DIDO1: variants seen among roughly 807,000 people sequenced by gnomAD.
The protein encoded by DIDO1 is death-inducer obliterator 1.
A neutral mutation model predicts 99.4 loss-of-function variants in DIDO1; 16 were observed. The observed-to-expected ratio is 0.16, with a 90% CI of 0.11 to 0.24. DIDO1 has a LOEUF of 0.24. Ranked by LOEUF, DIDO1 falls within the 10% of genes least tolerant of loss-of-function variation. The probability of loss-of-function intolerance (pLI) is 1.00; values close to 1 mark genes in which losing one functional copy is unlikely to be tolerated. For missense variants in DIDO1, 2,996 were observed against 3,014.0 expected (o/e 0.99, Z 0.14); for synonymous variants, 1,366 against 1,239.1 (o/e 1.10, Z -2.15).
intron 5 of DIDO1, among the ~76,000 whole-genome samples, chr20:62,906,647 C>T (rs6010781): frequency 0.23 from 34,973 of 152,106 alleles, 4,310 homozygotes; most frequent in East Asian, 0.34. Context: ...CAGCCACCGC[C>T]GCCTGAGCCT....
chr20:62,885,744 T>C (rs2064286768), intron 15 of DIDO1, among the ~76,000 whole-genome samples: 1 of 152,248 alleles, frequency 6.6e-6, no homozygotes, highest in African/African-American at 2.4e-5. Flanking sequence ...CAACTCATGT[T>C]TGTTATTATG....
intron 15 of DIDO1, among the ~76,000 whole-genome samples, chr20:62,884,125 G>A (rs751301773): frequency 1.2e-4 from 18 of 152,212 alleles, no homozygotes; most frequent in Non-Finnish European, 2.4e-4. Context: ...GTAAAGCACC[G>A]AGGTGCTCAG....
At position 62,882,502 on chromosome 20, in the gene DIDO1, G is replaced by A. The variant is rs1366021215; in HGVS notation, c.3542-88C>T. On this transcript the variant is annotated intron_variant, in intron 15 of 15. Transcript: ENST00000395343. ...GAATTTCATTAAGGGCTTTCACGGG[G>A]AACGTTTAATAGACAAAAATAAGCC... 4.6e-6 allele frequency: 6 copies of A among 1,293,072 alleles called. No homozygotes were observed. In the East Asian group the frequency reaches 1.4e-4, roughly 30 times the overall value. The allele number at this position is 1,293,072 out of a possible 1,614,324, so 80.1% of individuals were successfully genotyped here.
intron 15 of DIDO1, 149 bp from the exon 16 acceptor site, chr20:62,882,563 T>C (rs1473274025): frequency 5.1e-6 from 4 of 781,542 alleles, no homozygotes; most frequent in East Asian, 5.6e-5. Context: ...GTCAAGACAG[T>C]TGCAAAAGCC....
chr20:62,904,020 T>C (rs1023551821), intron 6 of DIDO1, among the ~76,000 whole-genome samples: 6 of 152,224 alleles, frequency 3.9e-5, no homozygotes, highest in Non-Finnish European at 7.3e-5. Flanking sequence ...CTCCCCACAA[T>C]GTACACGGAC....
At chr20:62,926,248 CCGCCCGCT>C (rs1323851649) in intron 1 of DIDO1, among the ~76,000 whole-genome samples, 183 bp downstream of exon 1, 4 of 96,788 alleles carry the variant, frequency 4.1e-5, no homozygotes, top group East Asian at 3.1e-4. Flanking sequence ...CTGACCGGCC[CCGCCCGCT>C]CGCCCGCCCG....
In DIDO1 at chr20:62,882,289, C is replaced by G. The variant is rs775106836; in HGVS notation, c.3667G>C (p.Ala1223Pro). 1 of 1,614,028 alleles carries G rather than the reference C, an allele frequency of 6.2e-7. No individual in the cohort carries two copies. The highest frequency in any genetic ancestry group is 1.7e-5 in the Admixed American group (1 of 60,032). Reference sequence around the variant, plus strand: ...ACTTTTGGATAGGCCGGAACGTCCGCTTCTTCCGGTTGAAGTCGGGTCCGC... The same window carrying G: ...ACTTTTGGATAGGCCGGAACGTCCGGTTCTTCCGGTTGAAGTCGGGTCCGC... ...EKRTRLQPEE[A>P]DVPAYPKVAT... The change falls in exon 16 of 16, where the codon GCG (alanine) becomes CCG (proline). Residue 1223 changes from alanine to proline, a missense_variant. Physicochemically the swap from Ala to Pro is conservative, Grantham distance 27. Coordinates refer to ENST00000395343, the MANE Select transcript of DIDO1 (RefSeq NM_001193369.2).
chr20:62,897,024 A>G (rs759841224), intron 6 of DIDO1, 28 bp from the exon 7 acceptor site: 3 of 1,581,412 alleles, frequency 1.9e-6, no homozygotes. Context: ...GGCGCTGAGT[A>G]AGGGAGGACA....
intron 1 of DIDO1, among the ~76,000 whole-genome samples, chr20:62,935,870 A>G (rs1483447170): frequency 6.6e-6 from 1 of 152,242 alleles, no homozygotes; most frequent in Non-Finnish European, 1.5e-5. Context: ...TCCAAAAAGC[A>G]AAGATGATGG....
At chr20:62,913,306 G>A (rs979104158) in intron 2 of DIDO1, among the ~76,000 whole-genome samples, 13 of 116,440 alleles carry the variant, frequency 1.1e-4, no homozygotes, top group African/African-American at 3.1e-4. Flanking sequence ...CACCAGCAGC[G>A]ACTCCAAGTC....
intron 15 of DIDO1, among the ~76,000 whole-genome samples, chr20:62,885,300 G>T (rs1237328646): frequency 6.6e-6 from 1 of 152,140 alleles, no homozygotes; most frequent in Non-Finnish European, 1.5e-5. Context: ...AGTTACCTGG[G>T]GAAGCCTAGT....
chr20:62,890,670 G>A, intron 15 of DIDO1: 1 of 1,269,834 alleles, frequency 7.9e-7, no homozygotes, highest in Non-Finnish European at 1.0e-6. Flanking sequence ...TTGGGCTTCT[G>A]GGCACTGAGT....
chr20:62,913,965 A>AT (rs1253398448), intron 2 of DIDO1, among the ~76,000 whole-genome samples: 3 of 152,146 alleles, frequency 2.0e-5, no homozygotes. Context: ...CATTTTTATT[A>AT]TTTTTTATTG....
In DIDO1 at chr20:62,880,390, G is replaced by T. The variant is rs1177937621; in HGVS notation, c.5566C>A (p.Gln1856Lys). ...KDPHGEKREFQDAPYNEVTGA... is the reference protein window; with the variant it reads ...KDPHGEKREFKDAPYNEVTGA... ...GTCACCTCGTTATACGGGGCGTCCT[G>T]GAACTCCCTCTTCTCCCCATGGGGA... Residue 1856 changes from glutamine to lysine, a missense_variant, in exon 16 of 16, where the codon CAG becomes AAG. Transcript: ENST00000395343. 1 of 1,612,774 alleles carries T rather than the reference G, an allele frequency of 6.2e-7. No homozygotes were observed. The highest frequency in any genetic ancestry group is 8.5e-7 in the Non-Finnish European group (1 of 1,180,030).
In DIDO1 at chr20:62,911,451, C is replaced by G; in HGVS notation, c.162G>C (p.Gln54His). The change falls in exon 3 of 16, where the codon CAG becomes CAC. Residue 54 changes from glutamine to histidine, a missense_variant. Around this residue, in one of 5 missense-constraint regions of DIDO1, gnomAD observed 388 missense variants for 376.6 expected, o/e 1.03. Transcript: ENST00000395343. This position sits in a 1 kb window ranked among gnomAD's most constrained non-coding sequence, Gnocchi z 7.0. ...GCCGCAGGGACAGGCCCAGCTGCTG[C>G]TGTGGGGGTGGCGGCTCCAGTGGGT... ...EADPLEPPPP[Q>H]QQLGLSLRRS... The G allele has an allele frequency of 4.3e-6, 7 of 1,612,312 alleles. No individual in the cohort carries two copies. Among genetic ancestry groups the G allele is most frequent in the Non-Finnish European group, 5.9e-6 (7 of 1,179,206 alleles).
intron 14 of DIDO1, 76 bp from the exon 15 acceptor site, chr20:62,891,231 T>G (rs1455824242): frequency 6.3e-7 from 1 of 1,593,474 alleles, no homozygotes; most frequent in Non-Finnish European, 8.6e-7. Flanking sequence ...CATCCTGCTT[T>G]CAACAGGAAA....
At chr20:62,918,092 C>T (rs113975879) in intron 1 of DIDO1, among the ~76,000 whole-genome samples, 1,833 of 152,338 alleles carry the variant, frequency 0.012, 35 homozygotes, top group African/African-American at 0.042. Flanking sequence ...ACCTGTTAAT[C>T]TTCCCTCAGA....
In DIDO1 at chr20:62,879,256, C is replaced by A; in HGVS notation, c.6700G>T (p.Ala2234Ser). 1 of 1,545,570 alleles carries A rather than the reference C, an allele frequency of 6.5e-7. No individual in the cohort carries two copies. Among genetic ancestry groups the A allele is most frequent in the African/African-American group, 1.4e-5 (1 of 72,472 alleles). The change falls in exon 16 of 16, where the codon GCT becomes TCT. Residue 2234 changes from alanine (A) to serine (S), a missense_variant. Ala to Ser is a moderately conservative substitution (Grantham distance 99). Coordinates refer to ENST00000395343, the MANE Select transcript of DIDO1 (RefSeq NM_001193369.2). This position sits in a 1 kb window ranked among gnomAD's most constrained non-coding sequence, Gnocchi z 6.3. ...GTCTAGGCCTGCGAGGCGGTGCCAG[C>A]GTCGGAGGCCCTCGAGGCCTCGGGC... The part of the protein sequence containing the change: ...PKPEASRASD[A>S]GTASQA
chr20:62,925,176 G>A (rs2065228879), intron 1 of DIDO1, among the ~76,000 whole-genome samples: 1 of 152,220 alleles, frequency 6.6e-6, no homozygotes, highest in Non-Finnish European at 1.5e-5. Context: ...GGCAACACCT[G>A]ATTTAAAGGA....
Sources: gnomAD v4.1 joint callset for allele counts (sites outside exome capture counted in the v4.1 genomes callset) on GRCh38, gnomAD v4.1.1 for gene constraint, gnomAD v4.1.1 regional missense constraint, Gnocchi (gnomAD v3.1) non-coding constraint, MANE v1.5 for transcripts, NCBI Gene and HGNC (gene_info 2026-07-23, HGNC 2026-07-21) for gene names.